CFAP92: variants seen among roughly 807,000 people sequenced by gnomAD.
The protein encoded by CFAP92 is uncharacterized protein CFAP92.
In CFAP92, 86 loss-of-function variants were observed where a neutral mutation model predicts 106.3. The observed-to-expected ratio is 0.81, with a 90% CI of 0.68 to 0.97. CFAP92 has a LOEUF of 0.97. Ranked by LOEUF, CFAP92 falls within the 50% of genes least tolerant of loss-of-function variation. CFAP92 has a pLI of 0.00. For missense variants in CFAP92, 1,204 were observed against 1,283.8 expected (o/e 0.94, Z 0.95); for synonymous variants, 477 against 506.4 (o/e 0.94, Z 0.78).
chr3:128,945,434 A>G lies in CFAP92; in HGVS notation c.1895T>C (p.Leu632Pro), dbSNP rs1490136286. Residue 632 changes from leucine (L) to proline (P), a missense_variant, in exon 10 of 16, where the codon CTC (leucine) becomes CCC (proline). Leu to Pro is a moderately conservative substitution (Grantham distance 98). Coordinates refer to ENST00000645291, the MANE Select transcript of CFAP92 (RefSeq NM_001394090.1). ...CACCGCGATGTCCACTCGCAACTTG[A>G]GCTGGGAGTCAGCCTCTAGGTAGTT... Reference protein sequence around the residue: ...RGNYLEADSQLKLRVDIAVPL... With the variant: ...RGNYLEADSQPKLRVDIAVPL... The G allele has an allele frequency of 6.5e-7, 1 of 1,535,992 alleles. No individual in the cohort carries two copies.
chr3:128,993,325 C>T lies in CFAP92; in HGVS notation c.-21G>A. The T allele has an allele frequency of 1.9e-6, 3 of 1,602,546 alleles. No individual in the cohort carries two copies. The highest frequency in any genetic ancestry group is 1.3e-5 in the African/African-American group (1 of 74,856). ...GACATGCTGCAGAGCGCACTGCTGG[C>T]CGCCGGCGCTCCTGGCAGGGAGAAA... On this transcript the variant is annotated 5_prime_UTR_variant, in exon 2 of 16. Transcript: ENST00000645291.
chr3:128,989,535 A>G (rs1251015449), intron 2 of CFAP92, among the ~76,000 whole-genome samples: 1 of 152,144 alleles, frequency 6.6e-6, no homozygotes. Flanking sequence ...ATAGGGTGAC[A>G]GGATGTGGAA....
intron 15 of CFAP92, chr3:128,912,866 C>T (rs761606692): frequency 7.9e-6 from 5 of 632,406 alleles, no homozygotes; most frequent in African/African-American, 1.8e-5. Flanking sequence ...CTGGAACTGG[C>T]GGGTATTCTG....
chr3:128,962,162 C>A (rs565792961), intron 9 of CFAP92, among the ~76,000 whole-genome samples: 84 of 152,206 alleles, frequency 5.5e-4, no homozygotes, highest in Non-Finnish European at 1.0e-3. Context: ...CTCGGCTTAG[C>A]GGCTGAAGAC....
At chr3:128,979,971 T>TATATAA (rs1387014263) in intron 4 of CFAP92, among the ~76,000 whole-genome samples, 2 of 109,646 alleles carry the variant, frequency 1.8e-5, no homozygotes, top group African/African-American at 3.5e-5. Flanking sequence ...TATATATATA[T>TATATAA]AAAAGAAAAA....
chr3:129,018,562 T>C, the CFAP92 span, among the ~76,000 whole-genome samples: 1 of 152,172 alleles, frequency 6.6e-6, no homozygotes, highest in African/African-American at 2.4e-5. Flanking sequence ...AAGTATTTAC[T>C]CTCTGGCCCT....
At position 128,945,630 on chromosome 3, in the gene CFAP92, G is replaced by A; in HGVS notation, c.1699C>T (p.Gln567Ter). 6.5e-7 allele frequency: 1 copy of A among 1,536,116 alleles called. No homozygotes were observed. Among genetic ancestry groups the A allele is most frequent in the Non-Finnish European group, 8.7e-7 (1 of 1,146,904 alleles). ...NKMWYPYGIAQVSFADLLLGH... is the reference protein window; with the variant it reads ...NKMWYPYGIA ...AGGAGGAGGTCAGCAAAACTGACCTGGGCGATGCCATAAGGGTACCACATC... is the reference window on the plus strand; with the variant it reads ...AGGAGGAGGTCAGCAAAACTGACCTAGGCGATGCCATAAGGGTACCACATC... The change falls in exon 10 of 16, where the codon CAG (glutamine) becomes TAG (stop). Residue 567 changes from glutamine (Q) to a stop codon, truncating the protein, a stop_gained. Transcript: ENST00000645291. LOFTEE classifies it high-confidence loss of function.
In CFAP92 at chr3:128,915,035, T is replaced by C. The variant is rs1936690416; in HGVS notation, c.3280+84A>G. 1.6e-5 allele frequency: 21 copies of C among 1,352,160 alleles called. No individual in the cohort carries two copies. In the South Asian group the frequency reaches 2.6e-4, roughly 17 times the overall value. 83.8% of individuals were successfully genotyped at this position (1,352,160 alleles called of 1,614,324 possible). On this transcript the variant is annotated intron_variant, in intron 15 of 15. Transcript: ENST00000645291. Reference sequence around the variant, plus strand: ...TGGTTGATAGTGTAAACAAAATGGATACCACTGAAGATGCAGAGTGGCACA... The same window carrying C: ...TGGTTGATAGTGTAAACAAAATGGACACCACTGAAGATGCAGAGTGGCACA...
chr3:128,998,034 G>A (rs1404959499), upstream of CFAP92, among the ~76,000 whole-genome samples: 2 of 152,130 alleles, frequency 1.3e-5, no homozygotes, highest in African/African-American at 4.8e-5. Flanking sequence ...GTTTTCATGT[G>A]CATTTCCCTA....
At chr3:128,987,973 C>T in intron 3 of CFAP92, 144 bp from the exon 4 acceptor site, 2 of 657,268 alleles carry the variant, frequency 3.0e-6, no homozygotes, top group Non-Finnish European at 2.6e-6. Context: ...GCTCTGAGCT[C>T]AGGGAAAATG....
chr3:128,963,034 G>A (rs1027109732), intron 9 of CFAP92, among the ~76,000 whole-genome samples: 3 of 152,104 alleles, frequency 2.0e-5, no homozygotes, highest in South Asian at 2.1e-4. Flanking sequence ...CACCCATTAG[G>A]CTCAGCAAAT....
chr3:128,951,454 GACAC>G (rs929044167), intron 9 of CFAP92, among the ~76,000 whole-genome samples: 13 of 152,158 alleles, frequency 8.5e-5, no homozygotes, highest in African/African-American at 2.9e-4. Context: ...AGATGGAATA[GACAC>G]ACTTCTAGTT....
At chr3:129,003,029 T>C (rs1944872532), upstream of CFAP92, among the ~76,000 whole-genome samples, 1 of 152,114 alleles carries the variant, frequency 6.6e-6, no homozygotes, top group Admixed American at 6.5e-5. Context: ...AGGGCAGTGC[T>C]GGGCCGCAGG....
In CFAP92 at chr3:128,945,789, G is replaced by A. The variant is rs780479818; in HGVS notation, c.1540C>T (p.Arg514Trp). The change falls in exon 10 of 16, where the codon CGG becomes TGG. Residue 514 changes from arginine (R) to tryptophan (W), a missense_variant. Arg to Trp is a moderately radical substitution (Grantham distance 101). Transcript: ENST00000645291. The stretch of plus-strand genomic sequence containing the variant: ...GAACACTCCTCTGACTTGCGGTCCC[G>A]GTCGTGAACTTCCACCACCATGGGG... ...GPPMVVEVHDRDRKSEECSQK... is the reference protein window; with the variant it reads ...GPPMVVEVHDWDRKSEECSQK... 122 of 1,528,072 alleles carry A rather than the reference G, an allele frequency of 8.0e-5. No homozygotes were observed. The highest frequency in any genetic ancestry group is 9.5e-5 in the Non-Finnish European group (109 of 1,143,034). The allele number at this position is 1,528,072 out of a possible 1,614,324, so 94.7% of individuals were successfully genotyped here.
chr3:128,928,001 C>G (rs1296876511), intron 12 of CFAP92, among the ~76,000 whole-genome samples: 1 of 152,058 alleles, frequency 6.6e-6, no homozygotes, highest in Admixed American at 6.6e-5. Context: ...GCCTGTAATC[C>G]CAGCACTTTG....
At chr3:129,023,665 A>C in the CFAP92 span, among the ~76,000 whole-genome samples, 5 of 152,188 alleles carry the variant, frequency 3.3e-5, no homozygotes, top group Non-Finnish European at 7.3e-5. Context: ...AATGGTTACT[A>C]TTTATGGCAA....
chr3:128,925,913 C>G (rs1937611634), intron 12 of CFAP92, among the ~76,000 whole-genome samples: 1 of 152,118 alleles, frequency 6.6e-6, no homozygotes, highest in East Asian at 1.9e-4. Flanking sequence ...TTAATAACTG[C>G]CAAGCTAGAA....
chr3:128,912,530 C>G (rs759556147), intron 15 of CFAP92: 1 of 1,614,080 alleles, frequency 6.2e-7, no homozygotes, highest in Middle Eastern at 1.6e-4. Context: ...CCTAGATGAG[C>G]AGATTAAGAA....
At chr3:128,956,361 CAG>C (rs1381191183) in intron 9 of CFAP92, among the ~76,000 whole-genome samples, 1 of 151,528 alleles carries the variant, frequency 6.6e-6, no homozygotes, top group East Asian at 1.9e-4. Flanking sequence ...ATTGGAGTTT[CAG>C]AAGGAGAGGA....
Sources: gnomAD v4.1 joint callset for allele counts (sites outside exome capture counted in the v4.1 genomes callset) on GRCh38, gnomAD v4.1.1 for gene constraint, MANE v1.5 for transcripts, NCBI Gene and HGNC (gene_info 2026-07-23, HGNC 2026-07-21) for gene names.